Variants in GLMN observed in about 807,000 individuals in gnomAD.
The protein encoded by GLMN is glomulin.
A neutral mutation model predicts 87.8 loss-of-function variants in GLMN; 75 were observed. The ratio of observed to expected loss-of-function variants is 0.85; its 90% confidence interval spans 0.71 to 1.04. The LOEUF (loss-of-function observed/expected upper bound fraction) is 1.04, where lower values mean the gene tolerates loss of function less well. GLMN is among the 50% of genes least tolerant of loss of function. GLMN has a pLI of 0.00. For missense variants in GLMN, 588 were observed against 658.8 expected (o/e 0.89, Z 1.18); for synonymous variants, 206 against 221.6 (o/e 0.93, Z 0.63).
chr1:92,358,201 A>G, the GLMN span, among the ~76,000 whole-genome samples: 2 of 152,064 alleles, frequency 1.3e-5, no homozygotes, highest in African/African-American at 4.8e-5. Flanking sequence ...TGGCCTACAT[A>G]CCCCTGTGGT....
upstream of GLMN, chr1:92,299,258 C>G: frequency 3.6e-6 from 2 of 558,196 alleles, no homozygotes. Flanking sequence ...GGGAGGGGTT[C>G]TCCCAGGTAG....
At chr1:92,321,526 T>C in the GLMN span, among the ~76,000 whole-genome samples, 1 of 152,138 alleles carries the variant, frequency 6.6e-6, no homozygotes, top group South Asian at 2.1e-4. Context: ...CAGAGTCTTT[T>C]TCATCCTGAT....
At chr1:92,309,321 A>G in the GLMN span, among the ~76,000 whole-genome samples, 1 of 151,844 alleles carries the variant, frequency 6.6e-6, no homozygotes, top group East Asian at 1.9e-4. Context: ...ACATGCCTGT[A>G]GTCTCAGCTA....
At chr1:92,281,133 CCTT>C (rs1442880248) in intron 7 of GLMN, among the ~76,000 whole-genome samples, 1 of 152,142 alleles carries the variant, frequency 6.6e-6, no homozygotes, top group Non-Finnish European at 1.5e-5. Context: ...CAAAGATACT[CCTT>C]GAGAAGAGCA....
chr1:92,324,388 G>T, the GLMN span: 1 of 1,581,498 alleles, frequency 6.3e-7, no homozygotes, highest in South Asian at 1.1e-5. Flanking sequence ...ATGTCTTACA[G>T]ACATTGAGTT....
At chr1:92,365,205 C>T in the GLMN span, among the ~76,000 whole-genome samples, 3 of 152,134 alleles carry the variant, frequency 2.0e-5, no homozygotes, top group East Asian at 1.9e-4. Context: ...CTCATTGGGC[C>T]CTTCTGCTTT....
the GLMN span, among the ~76,000 whole-genome samples, chr1:92,305,627 A>T: frequency 0.019 from 2,949 of 152,012 alleles, 118 homozygotes; most frequent in African/African-American, 0.067. Flanking sequence ...ATGTTAACTG[A>T]CCATAGAATC....
Position 92,286,483 on chromosome 1 carries a change from T to C in GLMN, c.735+7A>G, listed in dbSNP as rs781002966. ...AGATTATAGCAGATTAAATTAGCTG[T>C]ACTTACTATTATTTCTGATGCAAAA... On this transcript the variant is annotated splice_region_variant and intron_variant, in intron 7 of 18. Transcript: ENST00000370360. 30 of 1,292,870 alleles carry C rather than the reference T, an allele frequency of 2.3e-5. No homozygotes were observed. The highest frequency in any genetic ancestry group is 3.4e-5 in the Non-Finnish European group (30 of 887,190). 80.1% of individuals were successfully genotyped at this position (1,292,870 alleles called of 1,614,324 possible). A position where few individuals can be genotyped will look rare whatever the true frequency, so the allele number is the denominator to read the frequency against.
At chr1:92,298,481 C>T (rs1650432251) in intron 1 of GLMN, among the ~76,000 whole-genome samples, 1 of 152,158 alleles carries the variant, frequency 6.6e-6, no homozygotes, top group Non-Finnish European at 1.5e-5. Context: ...TTTTTAATGT[C>T]TCACCTCACA....
At chr1:92,350,094 AT>A in the GLMN span, among the ~76,000 whole-genome samples, 1 of 152,138 alleles carries the variant, frequency 6.6e-6, no homozygotes, top group African/African-American at 2.4e-5. Context: ...TTCCCACTTC[AT>A]TTAGGTTTCT....
At chr1:92,286,245 A>G (rs1047038049) in intron 7 of GLMN, among the ~76,000 whole-genome samples, 1 of 150,176 alleles carries the variant, frequency 6.7e-6, no homozygotes, top group Non-Finnish European at 1.5e-5. Context: ...TATATATAAA[A>G]TCTTTGAAAA....
chr1:92,348,337 T>C, the GLMN span, among the ~76,000 whole-genome samples: 2 of 152,248 alleles, frequency 1.3e-5, no homozygotes, highest in Admixed American at 6.5e-5. Context: ...ACAACTAAAA[T>C]CTTCCCCAGT....
chr1:92,308,170 A>G, the GLMN span, among the ~76,000 whole-genome samples: 6 of 152,108 alleles, frequency 3.9e-5, no homozygotes, highest in African/African-American at 1.2e-4. Context: ...TGCTGACAAC[A>G]GCACCTGTGA....
At chr1:92,324,098 C>G in the GLMN span, 8 of 1,614,134 alleles carry the variant, frequency 5.0e-6, no homozygotes, top group East Asian at 2.2e-5. Flanking sequence ...AATTATGCTT[C>G]TGTGTGTCTG....
chr1:92,352,427 A>C, the GLMN span, among the ~76,000 whole-genome samples: 3 of 135,364 alleles, frequency 2.2e-5, no homozygotes, highest in Admixed American at 2.4e-4. Context: ...GATGTGAGTA[A>C]GGCTTTTGCC....
In GLMN at chr1:92,267,900, ATATTT is replaced by A. The variant is rs771340851; in HGVS notation, c.1098+8_1098+12del. Reference sequence around the variant, plus strand: ...AGGGCTATTTTCAATATTAGAATACATATTTTATTTACCTGAGGTACAGTAAGAAA... The same window carrying A: ...AGGGCTATTTTCAATATTAGAATACATATTTACCTGAGGTACAGTAAGAAA... On this transcript the variant is annotated splice_region_variant and intron_variant, in intron 11 of 18. Coordinates refer to ENST00000370360, the MANE Select transcript of GLMN (RefSeq NM_053274.3). 1.5e-5 allele frequency: 17 copies of A among 1,157,114 alleles called. No individual in the cohort carries two copies. Among genetic ancestry groups the A allele is most frequent in the Non-Finnish European group, 2.1e-5 (16 of 762,830 alleles). The allele number at this position is 1,157,114 out of a possible 1,614,324, so 71.7% of individuals were successfully genotyped here. A position where few individuals can be genotyped will look rare whatever the true frequency, so the allele number is the denominator to read the frequency against.
chr1:92,297,977 G>T lies in GLMN; in HGVS notation c.23C>A (p.Ser8Tyr). 1.3e-6 allele frequency: 2 copies of T among 1,483,274 alleles called. No individual in the cohort carries two copies. Among genetic ancestry groups the T allele is most frequent in the South Asian group, 1.1e-5 (1 of 88,126 alleles). 91.9% of individuals were successfully genotyped at this position (1,483,274 alleles called of 1,614,324 possible). A position where few individuals can be genotyped will look rare whatever the true frequency, so the allele number is the denominator to read the frequency against. MAVEELQ[S>Y]IIKRCQILEE... ...AATACTTACACATCTCTTTATTATAGACTGAAGTTCCTCTACAGCCATTCT... is the reference window on the plus strand; with the variant it reads ...AATACTTACACATCTCTTTATTATATACTGAAGTTCCTCTACAGCCATTCT... Residue 8 changes from serine to tyrosine, a missense_variant, in exon 2 of 19, where the codon TCT becomes TAT. By Grantham distance (144) the Ser-to-Tyr change is moderately radical. Coordinates refer to ENST00000370360, the MANE Select transcript of GLMN (RefSeq NM_053274.3).
At chr1:92,251,847 G>A (rs1169577992) in intron 16 of GLMN, among the ~76,000 whole-genome samples, 1 of 149,712 alleles carries the variant, frequency 6.7e-6, no homozygotes, top group African/African-American at 2.5e-5. Flanking sequence ...CCAGGCTGGA[G>A]TGCAGAGGCA....
At chr1:92,318,287 A>G in the GLMN span, among the ~76,000 whole-genome samples, 1 of 152,178 alleles carries the variant, frequency 6.6e-6, no homozygotes, top group Non-Finnish European at 1.5e-5. Flanking sequence ...CATTTAATTC[A>G]GTCCTCTTAG....
Sources: allele counts gnomAD v4.1 joint callset (sites outside exome capture counted in the v4.1 genomes callset), GRCh38; gene constraint gnomAD v4.1.1; transcripts MANE v1.5; gene names NCBI Gene and HGNC (gene_info 2026-07-23, HGNC 2026-07-21).